Variants in RBBP5 observed in about 807,000 individuals in gnomAD.
RBBP5 encodes the protein retinoblastoma-binding protein 5.
Under a neutral mutation model 72.2 loss-of-function variants are expected in RBBP5, and 5 were observed. That is an observed-to-expected ratio of 0.07 (90% CI 0.04 to 0.15). The LOEUF (loss-of-function observed/expected upper bound fraction) is 0.15, where lower values mean the gene tolerates loss of function less well. Ranked by LOEUF, RBBP5 falls within the 10% of genes least tolerant of loss-of-function variation. The pLI, the probability that RBBP5 is intolerant of heterozygous loss-of-function variation, is 1.00. For synonymous variants in RBBP5, 209 were observed against 237.2 expected, an observed-to-expected ratio of 0.88 and a Z score of 1.09; for missense variants, 322 against 652.2, an observed-to-expected ratio of 0.49 and a Z score of 5.51.
At chr1:205,100,877 G>A (rs1655791404) in intron 6 of RBBP5, among the ~76,000 whole-genome samples, 1 of 152,166 alleles carries the variant, frequency 6.6e-6, no homozygotes, top group Non-Finnish European at 1.5e-5. Flanking sequence ...ATGGTTTCAG[G>A]ATGATACTGT....
At chr1:205,105,751 C>T (rs942219173) in intron 3 of RBBP5, among the ~76,000 whole-genome samples, 3 of 152,292 alleles carry the variant, frequency 2.0e-5, no homozygotes, top group African/African-American at 4.8e-5. Context: ...TCATGTTCCC[C>T]GTTCTGGGTG....
rs192860153 is a variant in RBBP5 at position 205,109,469 on chromosome 1, G to A, written c.219-4301C>T. On this transcript the variant is annotated intron_variant, in intron 3 of 13. Coordinates refer to ENST00000264515, the MANE Select transcript of RBBP5 (RefSeq NM_005057.4). The stretch of plus-strand genomic sequence containing the variant: ...TGAGGAGAAAAAAGGAACAGGTTTC[G>A]TTGCTATTCTTGTAGGCCTGTTAGC... Among the ~76,000 whole-genome samples the A allele has an allele frequency of 2.0e-3, 309 of 152,144 alleles. 1 individual carries two copies. Among genetic ancestry groups the A allele is most frequent in the African/African-American group, 7.2e-3 (299 of 41,498 alleles).
intron 5 of RBBP5, 88 bp from the exon 6 acceptor site, chr1:205,101,797 T>C: frequency 1.1e-6 from 1 of 901,008 alleles, no homozygotes; most frequent in Non-Finnish European, 1.7e-6. Flanking sequence ...GCGTAAAGAC[T>C]GGGTAAAAAT....
chr1:205,112,046 G>A (rs1295914181), intron 3 of RBBP5, among the ~76,000 whole-genome samples: 1 of 152,098 alleles, frequency 6.6e-6, no homozygotes, highest in African/African-American at 2.4e-5. Context: ...GGCTGGGCAT[G>A]GAGGCTCACA....
intron 13 of RBBP5, 124 bp from the exon 14 acceptor site, chr1:205,088,939 T>G: frequency 1.2e-6 from 1 of 836,218 alleles, no homozygotes; most frequent in Non-Finnish European, 1.8e-6. Flanking sequence ...AATTCCCCTT[T>G]TTAAGAAAAT....
At chr1:205,097,047 T>A (rs1338712051) in intron 11 of RBBP5, 136 bp from the exon 12 acceptor site, 1 of 777,130 alleles carries the variant, frequency 1.3e-6, no homozygotes, top group Non-Finnish European at 2.0e-6. Context: ...CCAAGAAGAA[T>A]AAAAGGGAAT....
In RBBP5 at chr1:205,099,875, A is replaced by G. The variant is rs201878389; in HGVS notation, c.906+36T>C. 1.2e-6 allele frequency: 2 copies of G among 1,613,594 alleles called. No homozygotes were observed. Among genetic ancestry groups the G allele is most frequent in the African/African-American group, 2.7e-5 (2 of 74,912 alleles). On this transcript the variant is annotated intron_variant, in intron 8 of 13. Coordinates refer to ENST00000264515, the MANE Select transcript of RBBP5 (RefSeq NM_005057.4). This position sits in a 1 kb window ranked among gnomAD's most constrained non-coding sequence, Gnocchi z 4.7. ...GAACAGATTTTAGATTTTTTGGATT[A>G]TGTGACTAACAAAAGCAATGTCCTA...
chr1:205,096,713 G>A lies in RBBP5; in HGVS notation c.1365C>T (p.Thr455=), dbSNP rs188816077. Residue 455 remains threonine (T), a synonymous_variant, in exon 12 of 14, where the codon ACC becomes ACT. Transcript: ENST00000264515. Reference sequence around the variant, plus strand: ...TTGGTACTCCTTGAAGTTCTATATTGGTTGTTTTGGGTTTCTTCTTAGGTG... The same window carrying A: ...TTGGTACTCCTTGAAGTTCTATATTAGTTGTTTTGGGTTTCTTCTTAGGTG... ...SQPPKKKPKT[T]NIELQGVPND... 67 of 1,614,114 alleles carry A rather than the reference G, an allele frequency of 4.2e-5. No individual in the cohort carries two copies. Among genetic ancestry groups the A allele is most frequent in the Admixed American group, 5.0e-5 (3 of 60,020 alleles).
chr1:205,094,911 T>G lies in RBBP5; in HGVS notation c.1550A>C (p.Lys517Thr). The change falls in exon 13 of 14, where the codon AAG becomes ACG. Residue 517 changes from lysine to threonine, a missense_variant. This residue lies in a region of RBBP5 where 109 missense variants were observed against 146.3 expected (regional missense o/e 0.75). Coordinates refer to ENST00000264515, the MANE Select transcript of RBBP5 (RefSeq NM_005057.4). ...GCTGAGTTCCGCCTGCACTTTACCCTTCGCTGATCCTTCCAGAGGTAAACC... is the reference window on the plus strand; with the variant it reads ...GCTGAGTTCCGCCTGCACTTTACCCGTCGCTGATCCTTCCAGAGGTAAACC... ...DRGLPLEGSA[K>T]GKVQAELSQP... is the part of the protein sequence containing the mutation. The G allele has an allele frequency of 6.2e-7, 1 of 1,614,210 alleles. No individual in the cohort carries two copies. Among genetic ancestry groups the G allele is most frequent in the Non-Finnish European group, 8.5e-7 (1 of 1,180,028 alleles).
At position 205,101,584 on chromosome 1, in the gene RBBP5, G is replaced by T. The variant is rs780815330; in HGVS notation, c.632+16C>A. ...CACTCTTAAAACTGTCCCTTAAAAG[G>T]TAAGATCTCACTCACCTCCCCTTCC... On this transcript the variant is annotated intron_variant, in intron 6 of 13. Transcript: ENST00000264515. The T allele has an allele frequency of 2.5e-6, 4 of 1,576,610 alleles. No homozygotes were observed. The Admixed American group carries it at 6.9e-5, about 27-fold the overall frequency.
rs918716585 is a variant in RBBP5 at position 205,099,127 on chromosome 1, C to A, written c.979-21G>T. 10 of 1,424,082 alleles carry A rather than the reference C, an allele frequency of 7.0e-6. No individual in the cohort carries two copies. Among genetic ancestry groups the A allele is most frequent in the Non-Finnish European group, 9.8e-6 (10 of 1,024,684 alleles). 88.2% of individuals were successfully genotyped at this position (1,424,082 alleles called of 1,614,324 possible). On this transcript the variant is annotated intron_variant, in intron 9 of 13. Transcript: ENST00000264515. This position sits in a 1 kb window ranked among gnomAD's most constrained non-coding sequence, Gnocchi z 4.7. ...TTTTCCTATACAACAAGATATACTACTTAACCATATGTGAAAGCAATAATC... is the reference window on the plus strand; with the variant it reads ...TTTTCCTATACAACAAGATATACTAATTAACCATATGTGAAAGCAATAATC...
chr1:205,120,771 G>C (rs1656705297), intron 1 of RBBP5, among the ~76,000 whole-genome samples: 5 of 151,382 alleles, frequency 3.3e-5, no homozygotes, highest in Admixed American at 6.6e-5. Context: ...GACGGCGCGA[G>C]GCTGTCTTAA....
At chr1:205,093,076 A>C (rs933244693) in intron 13 of RBBP5, among the ~76,000 whole-genome samples, 5 of 152,106 alleles carry the variant, frequency 3.3e-5, no homozygotes, top group Admixed American at 3.3e-4. Context: ...GTGTGCAAGA[A>C]GTGGGTTTGG....
intron 3 of RBBP5, among the ~76,000 whole-genome samples, chr1:205,105,678 G>A (rs979207128): frequency 2.0e-5 from 3 of 152,242 alleles, no homozygotes; most frequent in South Asian, 2.1e-4. Flanking sequence ...ACAAAGGACA[G>A]GCAAGCCAGA....
rs1356205490 is a variant in RBBP5 at position 205,086,302 on chromosome 1, T to G, written c.*2485A>C. 6.8e-6 allele frequency: 1 copy of G among 148,066 alleles called. No individual in the cohort carries two copies. Among genetic ancestry groups the G allele is most frequent in the Non-Finnish European group, 1.5e-5 (1 of 67,508 alleles). 9.2% of individuals were successfully genotyped at this position (148,066 alleles called of 1,614,324 possible). A position where few individuals can be genotyped will look rare whatever the true frequency, so the allele number is the denominator to read the frequency against. On this transcript the variant is annotated 3_prime_UTR_variant, in exon 14 of 14. Transcript: ENST00000264515. ...CCCAGGCTGGAGTGCAGTGGCGCAA[T>G]CTCAGCTCACTGCAACCTCTGCCTC...
At position 205,111,825 on chromosome 1, in the gene RBBP5, G is replaced by A. The variant is rs1406956740; in HGVS notation, c.218+2964C>T. Among the ~76,000 whole-genome samples the A allele has an allele frequency of 3.3e-5, 5 of 152,042 alleles. No homozygotes were observed. In the East Asian group the frequency reaches 9.6e-4, roughly 29 times the overall value. On this transcript the variant is annotated intron_variant, in intron 3 of 13. Transcript: ENST00000264515. ...GCTAGGAATCAAATTCCTGAGTATG[G>A]CAGACGAGGTTCTCCATGAGGACCT...
At position 205,093,552 on chromosome 1, in the gene RBBP5, A is replaced by G. The variant is rs143118000; in HGVS notation, c.1588+1321T>C. 5.1e-3 allele frequency among the ~76,000 whole-genome samples: 335 copies of G among 66,330 alleles called. 26 individuals carry two copies. Among genetic ancestry groups the G allele is most frequent in the African/African-American group, 6.9e-3 (175 of 25,340 alleles). 43.5% of individuals were successfully genotyped at this position (66,330 alleles called of 152,430 possible). A position where few individuals can be genotyped will look rare whatever the true frequency, so the allele number is the denominator to read the frequency against. On this transcript the variant is annotated intron_variant, in intron 13 of 13. Transcript: ENST00000264515. ...TATATATACACACACACACACACAC[A>G]CACACACACACACACACAGCATTAT...
At chr1:205,089,575 G>A (rs1011982442) in intron 13 of RBBP5, among the ~76,000 whole-genome samples, 12 of 152,064 alleles carry the variant, frequency 7.9e-5, no homozygotes, top group Admixed American at 3.3e-4. Flanking sequence ...AAAAATAATC[G>A]CCCAAACTAT....
chr1:205,097,223 T>C (rs571340240), intron 11 of RBBP5, 103 bp downstream of exon 11: 226 of 1,120,792 alleles, frequency 2.0e-4, no homozygotes, highest in Non-Finnish European at 2.8e-4. Context: ...TTTTAGCTAA[T>C]AAGCAGACGG....
Sources: allele counts gnomAD v4.1 joint callset (sites outside exome capture counted in the v4.1 genomes callset), GRCh38; gene constraint gnomAD v4.1.1; regional missense constraint gnomAD v4.1.1; non-coding constraint Gnocchi (gnomAD v3.1); transcripts MANE v1.5; gene names NCBI Gene and HGNC (gene_info 2026-07-23, HGNC 2026-07-21).